The following BIRC6 variants were observed in gnomAD, a reference collection of about 807,000 sequenced individuals.
The protein encoded by BIRC6 is baculoviral IAP repeat containing 6.
BIRC6 carries 98 observed loss-of-function variants against 503.3 expected under a neutral mutation model. The observed-to-expected ratio is 0.19, with a 90% CI of 0.17 to 0.23. The LOEUF (loss-of-function observed/expected upper bound fraction) is 0.23. BIRC6 is among the 10% of genes least tolerant of loss of function. The probability of loss-of-function intolerance (pLI) is 1.00; values close to 1 mark genes in which losing one functional copy is unlikely to be tolerated. For synonymous variants in BIRC6, 2,240 were observed against 2,078.7 expected (o/e 1.08, Z -2.11); for missense variants, 5,360 against 5,806.0 (o/e 0.92, Z 2.50).
chr2:32,397,658 A>ATG (rs1366477049), intron 6 of BIRC6, among the ~76,000 whole-genome samples: 12 of 133,988 alleles, frequency 9.0e-5, no homozygotes, highest in East Asian at 2.1e-4. Context: ...ACACACATAT[A>ATG]TGTGTATATA....
chr2:32,601,522 G>A (rs769217527), intron 70 of BIRC6, among the ~76,000 whole-genome samples: 34 of 152,060 alleles, frequency 2.2e-4, no homozygotes, highest in Non-Finnish European at 2.1e-4. Context: ...CGGAGGTTGC[G>A]GTGAGCCCAG....
chr2:32,478,664 G>A lies in BIRC6; in HGVS notation c.7098G>A (p.Arg2366=), dbSNP rs1379889479. 4.3e-6 allele frequency: 7 copies of A among 1,612,670 alleles called. No individual in the cohort carries two copies. The highest frequency in any genetic ancestry group is 5.9e-6 in the Non-Finnish European group (7 of 1,179,520). The change falls in exon 36 of 74, where the codon AGG becomes AGA. Residue 2366 remains arginine, a synonymous_variant. Transcript: ENST00000421745. ...TTGCACGCATTGCAAATGCCACGAG[G>A]CCAACTATTCATCTGTGTGAGATTG... ...KVLARIANAT[R]PTIHLCEIVN... is the part of the protein sequence containing the mutation.
intron 66 of BIRC6, among the ~76,000 whole-genome samples, chr2:32,591,745 C>G (rs546016757): frequency 6.6e-6 from 1 of 152,166 alleles, no homozygotes; most frequent in South Asian, 2.1e-4. Flanking sequence ...GTAATCATAA[C>G]TGCTTTCTGA....
chr2:32,387,917 A>G (rs2038709207), intron 3 of BIRC6, among the ~76,000 whole-genome samples: 1 of 152,322 alleles, frequency 6.6e-6, no homozygotes, highest in South Asian at 2.1e-4. Context: ...AAAAAATTAA[A>G]AAATTTTCAT....
At chr2:32,379,220 G>C (rs112944071) in intron 2 of BIRC6, 98 of 152,246 alleles carry the variant, frequency 6.4e-4, no homozygotes, top group African/African-American at 2.3e-3. Context: ...TCTTTGGATA[G>C]AGAATTAATT....
chr2:32,447,403 C>G (rs112688334), intron 21 of BIRC6, among the ~76,000 whole-genome samples: 2 of 148,558 alleles, frequency 1.3e-5, no homozygotes, highest in Middle Eastern at 3.6e-3. Flanking sequence ...ACCTCCCTCC[C>G]GGACGGGGCG....
intron 53 of BIRC6, among the ~76,000 whole-genome samples, chr2:32,512,492 A>G (rs1417856671): frequency 1.3e-5 from 2 of 152,216 alleles, no homozygotes; most frequent in East Asian, 1.9e-4. Context: ...CAGAGAAAAT[A>G]AATTAAGCTT....
chr2:32,397,333 G>A (rs1292696177), intron 6 of BIRC6, among the ~76,000 whole-genome samples: 3 of 151,872 alleles, frequency 2.0e-5, no homozygotes, highest in Non-Finnish European at 4.4e-5. Context: ...TTATCTGGGC[G>A]TGGTGGTGTG....
Position 32,357,243 on chromosome 2 carries a change from A to G in BIRC6, c.82A>G (p.Lys28Glu). 6.6e-7 allele frequency: 1 copy of G among 1,525,740 alleles called. No individual in the cohort carries two copies. The allele number at this position is 1,525,740 out of a possible 1,614,324, so 94.5% of individuals were successfully genotyped here. A position where few individuals can be genotyped will look rare whatever the true frequency, so the allele number is the denominator to read the frequency against. Reference sequence around the variant, plus strand: ...TGTGATTGTGCTGAGCGCAGGCCGGAAGATGGCGGCTGCGGCTGCGGCGGC... The same window carrying G: ...TGTGATTGTGCTGAGCGCAGGCCGGGAGATGGCGGCTGCGGCTGCGGCGGC... ...PSVIVLSAGR[K>E]MAAAAAAASG... The change falls in exon 1 of 74, where the codon AAG (lysine) becomes GAG (glutamate). Residue 28 changes from lysine to glutamate, a missense_variant. Lys to Glu is a moderately conservative substitution (Grantham distance 56). Transcript: ENST00000421745. The surrounding 1 kb of genome is among the most constrained non-coding windows in gnomAD (Gnocchi z 4.9).
chr2:32,538,254 C>T (rs1021572208), intron 61 of BIRC6, among the ~76,000 whole-genome samples: 2 of 152,090 alleles, frequency 1.3e-5, no homozygotes, highest in Non-Finnish European at 2.9e-5. Flanking sequence ...AAATTCTGCA[C>T]ATCCATAGCT....
rs1005706325 is a variant in BIRC6, at chr2:32,473,139, A to G, written c.6620A>G (p.Asn2207Ser). 12 of 1,580,794 alleles carry G rather than the reference A, an allele frequency of 7.6e-6. No homozygotes were observed. The African/African-American group carries it at 9.5e-5, about 12-fold the overall frequency. ...NGNQWSFINN[N>S]LHTQSLNRSS... is the part of the protein sequence containing the mutation. Reference sequence around the variant, plus strand: ...AATCAGTGGAGTTTTATTAACAATAATCTACACACTCAGAGCTTAAATAGA... The same window carrying G: ...AATCAGTGGAGTTTTATTAACAATAGTCTACACACTCAGAGCTTAAATAGA... The change falls in exon 33 of 74, where the codon AAT becomes AGT. Residue 2207 changes from asparagine to serine, a missense_variant. Physicochemically the swap from Asn to Ser is conservative, Grantham distance 46. Coordinates refer to ENST00000421745, the MANE Select transcript of BIRC6 (RefSeq NM_016252.4).
At chr2:32,417,276 A>G (rs565877140) in intron 10 of BIRC6, among the ~76,000 whole-genome samples, 1 of 152,192 alleles carries the variant, frequency 6.6e-6, no homozygotes, top group Admixed American at 6.5e-5. Flanking sequence ...ACTACAGTGC[A>G]TAGCTGGGAC....
intron 39 of BIRC6, 83 bp from the exon 40 acceptor site, chr2:32,485,560 C>A: frequency 1.1e-6 from 1 of 890,532 alleles, no homozygotes; most frequent in Non-Finnish European, 1.8e-6. Context: ...CTCTTGGGTT[C>A]AGATGTCATC....
At chr2:32,470,872 T>G (rs2049024440) in intron 31 of BIRC6, 142 bp from the exon 32 acceptor site, 1 of 824,706 alleles carries the variant, frequency 1.2e-6, no homozygotes, top group Non-Finnish European at 1.8e-6. Flanking sequence ...TTTTTTAGAC[T>G]TATTACATAT....
intron 39 of BIRC6, among the ~76,000 whole-genome samples, chr2:32,484,469 T>C (rs2050765370): frequency 6.7e-6 from 1 of 149,754 alleles, no homozygotes; most frequent in South Asian, 2.1e-4. Context: ...GGAGAATTGC[T>C]ATAACCCTGG....
At chr2:32,470,422 G>A in intron 31 of BIRC6, 121 bp downstream of exon 31, 1 of 1,039,430 alleles carries the variant, frequency 9.6e-7, no homozygotes. Context: ...TTTTTATGAT[G>A]TAAGCTTTTA....
intron 45 of BIRC6, among the ~76,000 whole-genome samples, chr2:32,496,711 A>G (rs921008598): frequency 2.0e-5 from 3 of 152,124 alleles, no homozygotes; most frequent in Non-Finnish European, 4.4e-5. Context: ...TAAATTTTAC[A>G]ATCAGCTTAT....
Position 32,357,058 on chromosome 2 carries a change from C to G in BIRC6, c.-104C>G, listed in dbSNP as rs573852486. The G allele has an allele frequency of 4.0e-4, 412 of 1,022,936 alleles. 1 individual carries two copies. In the African/African-American group the frequency reaches 6.2e-3, roughly 15 times the overall value. The allele number at this position is 1,022,936 out of a possible 1,614,324, so 63.4% of individuals were successfully genotyped here. ...GCTTCTCCCCCTCTCCCGTCAGCCT[C>G]CCTCCGAGTTTGGCCCCTCCGGCCG... On this transcript the variant is annotated 5_prime_UTR_variant, in exon 1 of 74. Transcript: ENST00000421745. This position sits in a 1 kb window ranked among gnomAD's most constrained non-coding sequence, Gnocchi z 4.9.
intron 2 of BIRC6, among the ~76,000 whole-genome samples, chr2:32,378,398 TC>T (rs2037141748): frequency 6.6e-6 from 1 of 152,060 alleles, no homozygotes; most frequent in African/African-American, 2.4e-5. Flanking sequence ...GGTGGTTCTT[TC>T]TTTCTTTTTT....
Sources: allele counts gnomAD v4.1 joint callset (sites outside exome capture counted in the v4.1 genomes callset), GRCh38; gene constraint gnomAD v4.1.1; non-coding constraint Gnocchi (gnomAD v3.1); transcripts MANE v1.5; gene names NCBI Gene and HGNC (gene_info 2026-07-23, HGNC 2026-07-21).